The following VPS13D variants were observed in gnomAD, a reference collection of about 807,000 sequenced individuals.
VPS13D encodes the protein intermembrane lipid transfer protein VPS13D.
Under a neutral mutation model 461.9 loss-of-function variants are expected in VPS13D, and 187 were observed. That is an observed-to-expected ratio of 0.40 (90% CI 0.36 to 0.46). The LOEUF (loss-of-function observed/expected upper bound fraction) is 0.46, where lower values mean the gene tolerates loss of function less well. VPS13D is among the 20% of genes least tolerant of loss of function. The pLI, the probability that VPS13D is intolerant of heterozygous loss-of-function variation, is 0.60. For missense variants in VPS13D, 4,711 were observed against 5,364.9 expected (o/e 0.88, Z 3.81); for synonymous variants, 1,951 against 1,986.3 (o/e 0.98, Z 0.47).
intron 37 of VPS13D, among the ~76,000 whole-genome samples, chr1:12,332,419 C>T (rs1643355135): frequency 6.6e-6 from 1 of 152,170 alleles, no homozygotes; most frequent in Non-Finnish European, 1.5e-5. Flanking sequence ...TAGCAGTATG[C>T]TCAACAGTAT....
chr1:12,341,189 G>A (rs926170210), intron 40 of VPS13D, among the ~76,000 whole-genome samples: 1 of 152,158 alleles, frequency 6.6e-6, no homozygotes, highest in African/African-American at 2.4e-5. Flanking sequence ...ATAGATGGTG[G>A]TGGTATCTAT....
intron 63 of VPS13D, among the ~76,000 whole-genome samples, chr1:12,412,494 A>G (rs753303892): frequency 1.3e-5 from 2 of 152,220 alleles, no homozygotes; most frequent in African/African-American, 4.8e-5. Flanking sequence ...CCAGAAATGG[A>G]TGTATAATAC....
chr1:12,425,103 A>C (rs2100273764), intron 65 of VPS13D, among the ~76,000 whole-genome samples: 1 of 152,264 alleles, frequency 6.6e-6, no homozygotes. Flanking sequence ...AATTTTCAAG[A>C]CACTCACTCT....
chr1:12,499,702 T>C (rs1646009259), intron 68 of VPS13D: 1 of 985,456 alleles, frequency 1.0e-6, no homozygotes, highest in Non-Finnish European at 1.2e-6. Flanking sequence ...GTGGGTTAAA[T>C]CTTGCCAATG....
Position 12,283,468 on chromosome 1 carries a change from T to TA in VPS13D, c.5367dup (p.Phe1790IlefsTer5), listed in dbSNP as rs764074075. 1.2e-6 allele frequency: 2 copies of TA among 1,614,256 alleles called. No homozygotes were observed. The highest frequency in any genetic ancestry group is 1.7e-6 in the Non-Finnish European group (2 of 1,180,036). On this transcript the variant is annotated frameshift_variant, in exon 21 of 70. Coordinates refer to ENST00000620676, the MANE Select transcript of VPS13D (RefSeq NM_015378.4). LOFTEE classifies it high-confidence loss of function. ...GATGATTCCTTAGTCCACATCAACA[T>TA]ATTCTTGGTAGATAAGAAACATCCA...
At chr1:12,445,299 A>C (rs1303635356) in intron 65 of VPS13D, among the ~76,000 whole-genome samples, 2 of 152,234 alleles carry the variant, frequency 1.3e-5, no homozygotes, top group African/African-American at 4.8e-5. Flanking sequence ...TCATTTTCCT[A>C]TCTTTCTAGT....
chr1:12,346,500 G>T, intron 43 of VPS13D, 105 bp from the exon 44 acceptor site: 1 of 1,108,668 alleles, frequency 9.0e-7, no homozygotes, highest in Non-Finnish European at 1.3e-6. Context: ...TTACTTGAAA[G>T]TATTTACAAA....
At chr1:12,293,445 C>T (rs976671576) in intron 23 of VPS13D, 79 bp from the exon 24 acceptor site, 5 of 1,427,640 alleles carry the variant, frequency 3.5e-6, no homozygotes, top group Non-Finnish European at 4.7e-6. Flanking sequence ...AGGGAAGCCC[C>T]TAAACCAACC....
At chr1:12,451,851 CAT>C (rs1570199754) in intron 65 of VPS13D, among the ~76,000 whole-genome samples, 1 of 152,326 alleles carries the variant, frequency 6.6e-6, no homozygotes, top group South Asian at 2.1e-4. Flanking sequence ...GTTTAGATAA[CAT>C]AATACTATTT....
intron 67 of VPS13D, among the ~76,000 whole-genome samples, chr1:12,463,144 A>G (rs988037880): frequency 2.0e-5 from 3 of 152,144 alleles, no homozygotes; most frequent in Non-Finnish European, 2.9e-5. Flanking sequence ...CACTCCTCCT[A>G]GAAGCAAAAG....
chr1:12,406,227 G>C (rs1460046532), intron 63 of VPS13D, among the ~76,000 whole-genome samples: 1 of 152,138 alleles, frequency 6.6e-6, no homozygotes, highest in Non-Finnish European at 1.5e-5. Flanking sequence ...ACTGTGTCTT[G>C]AGTCTCCTAG....
At chr1:12,313,584 G>A (rs944873856) in intron 29 of VPS13D, among the ~76,000 whole-genome samples, 2 of 151,908 alleles carry the variant, frequency 1.3e-5, no homozygotes, top group Non-Finnish European at 2.9e-5. Flanking sequence ...CAGCTTTCTC[G>A]GTTATGAAAA....
At chr1:12,433,645 ATCAT>A (rs1645021398) in intron 65 of VPS13D, among the ~76,000 whole-genome samples, 1 of 152,108 alleles carries the variant, frequency 6.6e-6, no homozygotes, top group African/African-American at 2.4e-5. Context: ...TCCTGCGGGG[ATCAT>A]TCATTCAGGC....
At chr1:12,293,880 G>A (rs917471138) in intron 24 of VPS13D, among the ~76,000 whole-genome samples, 176 bp downstream of exon 24, 3 of 152,136 alleles carry the variant, frequency 2.0e-5, no homozygotes, top group African/African-American at 7.2e-5. Flanking sequence ...CTTATTTATT[G>A]TATCTCACTT....
Position 12,279,694 on chromosome 1 carries a change from T to C in VPS13D, c.4602+44T>C. ...AGTTGAAGTCATATGTTTATATTAG[T>C]ACTCTATAAATATGATATATATTTA... On this transcript the variant is annotated intron_variant, in intron 20 of 69. Coordinates refer to ENST00000620676, the MANE Select transcript of VPS13D (RefSeq NM_015378.4). This position sits in a 1 kb window ranked among gnomAD's most constrained non-coding sequence, Gnocchi z 4.3. 3 of 1,500,452 alleles carry C rather than the reference T, an allele frequency of 2.0e-6. No individual in the cohort carries two copies. The highest frequency in any genetic ancestry group is 2.7e-6 in the Non-Finnish European group (3 of 1,107,262). The allele number at this position is 1,500,452 out of a possible 1,614,324, so 92.9% of individuals were successfully genotyped here.
At chr1:12,303,053 G>A (rs1642469732) in intron 25 of VPS13D, among the ~76,000 whole-genome samples, 1 of 152,098 alleles carries the variant, frequency 6.6e-6, no homozygotes, top group Admixed American at 6.6e-5. Flanking sequence ...ATTGATTACA[G>A]TCTATATGAA....
chr1:12,341,437 T>G (rs1220852328), intron 40 of VPS13D, among the ~76,000 whole-genome samples: 1 of 152,232 alleles, frequency 6.6e-6, no homozygotes, highest in Non-Finnish European at 1.5e-5. Flanking sequence ...TTGCTACATT[T>G]TAGGTTACCC....
At chr1:12,348,701 A>C in intron 44 of VPS13D, 122 bp from the exon 45 acceptor site, 1 of 1,240,258 alleles carries the variant, frequency 8.1e-7, no homozygotes, top group Non-Finnish European at 1.1e-6. Context: ...TTTATGACTG[A>C]TTTCACTGAA....
At chr1:12,410,720 G>A (rs1189565296) in intron 63 of VPS13D, among the ~76,000 whole-genome samples, 1 of 152,094 alleles carries the variant, frequency 6.6e-6, no homozygotes, top group Non-Finnish European at 1.5e-5. Flanking sequence ...ATAGAAGAAA[G>A]AAATCTGAAC....
Sources: allele counts gnomAD v4.1 joint callset (sites outside exome capture counted in the v4.1 genomes callset), GRCh38; gene constraint gnomAD v4.1.1; non-coding constraint Gnocchi (gnomAD v3.1); transcripts MANE v1.5; gene names NCBI Gene and HGNC (gene_info 2026-07-23, HGNC 2026-07-21).